The following ATP2C1 variants were observed in gnomAD, a reference collection of about 807,000 sequenced individuals.
The protein encoded by ATP2C1 is calcium-transporting ATPase type 2C member 1.
Under a neutral mutation model 120.5 loss-of-function variants are expected in ATP2C1, and 31 were observed. The ratio of observed to expected loss-of-function variants is 0.26; its 90% CI spans 0.19 to 0.35. The LOEUF (loss-of-function observed/expected upper bound fraction) is 0.35, where lower values mean the gene tolerates loss of function less well. ATP2C1 is among the 10% of genes least tolerant of loss of function. ATP2C1 has a pLI of 1.00. For synonymous variants in ATP2C1, 351 were observed against 358.7 expected (o/e 0.98, Z 0.24); for missense variants, 731 against 1,107.5 (o/e 0.66, Z 4.83).
chr3:130,948,851 A>G (rs904618133), intron 8 of ATP2C1, among the ~76,000 whole-genome samples: 1 of 152,032 alleles, frequency 6.6e-6, no homozygotes, highest in Non-Finnish European at 1.5e-5. Flanking sequence ...TATTATGTCT[A>G]TTATGGTGAT....
At chr3:130,938,919 A>G (rs1559948127) in intron 6 of ATP2C1, among the ~76,000 whole-genome samples, 1 of 152,248 alleles carries the variant, frequency 6.6e-6, no homozygotes, top group African/African-American at 2.4e-5. Flanking sequence ...TGATTTTAAC[A>G]TAAGTCAATA....
rs565793325 is a variant in ATP2C1 at position 130,894,756 on chromosome 3, A to G, written c.-14A>G. ...ACTTTGTAGCCATCAACCCGAGTGC[A>G]GTTTCGATGGAAAATGAAGGTAAAG... is the stretch of plus-strand genomic sequence containing the variant. On this transcript the variant is annotated 5_prime_UTR_variant, in exon 2 of 28. Transcript: ENST00000510168. This position sits in a 1 kb window ranked among gnomAD's most constrained non-coding sequence, Gnocchi z 4.5. The G allele has an allele frequency of 1.2e-6, 2 of 1,614,180 alleles. No homozygotes were observed. The highest frequency in any genetic ancestry group is 2.2e-5 in the East Asian group (1 of 44,888).
Position 130,898,297 on chromosome 3 carries a change from CT to C in ATP2C1, c.6+3525del, listed in dbSNP as rs2069820930. On this transcript the variant is annotated intron_variant, in intron 2 of 27. Transcript: ENST00000510168. ...TTGTTTGAAAATGGTTGTATTTACA[CT>C]TTACTTTTAAAAGCAGTTTCTTAAT... 4.6e-5 allele frequency among the ~76,000 whole-genome samples: 7 copies of C among 152,268 alleles called. No individual in the cohort carries two copies. The South Asian group carries it at 1.5e-3, about 32-fold the overall frequency.
intron 8 of ATP2C1, among the ~76,000 whole-genome samples, chr3:130,946,212 A>G (rs879763950): frequency 6.6e-6 from 1 of 152,226 alleles, no homozygotes; most frequent in East Asian, 1.9e-4. Flanking sequence ...CTGGGCAGAA[A>G]GGTTAGTTCT....
At chr3:130,976,973 A>G (rs892548888) in intron 18 of ATP2C1, among the ~76,000 whole-genome samples, 1 of 152,198 alleles carries the variant, frequency 6.6e-6, no homozygotes, top group African/African-American at 2.4e-5. Context: ...TTGGAAGCTC[A>G]GATACTCTGG....
At chr3:130,983,218 G>A (rs1576987080) in intron 20 of ATP2C1, among the ~76,000 whole-genome samples, 1 of 152,090 alleles carries the variant, frequency 6.6e-6, no homozygotes, top group East Asian at 1.9e-4. Context: ...TTTATTATCT[G>A]CCAATGCATG....
intron 1 of ATP2C1, among the ~76,000 whole-genome samples, chr3:130,888,460 A>C (rs1283757075): frequency 6.6e-6 from 1 of 152,158 alleles, no homozygotes; most frequent in Admixed American, 6.5e-5. Context: ...ACCCCAGAGC[A>C]CTTTGGCCTA....
chr3:130,976,117 C>G (rs2061520461), intron 18 of ATP2C1, among the ~76,000 whole-genome samples: 1 of 152,124 alleles, frequency 6.6e-6, no homozygotes, highest in Admixed American at 6.5e-5. Context: ...GTTATGTAGT[C>G]TCTCACAGCA....
intron 2 of ATP2C1, among the ~76,000 whole-genome samples, chr3:130,900,352 G>C (rs567239409): frequency 6.6e-6 from 1 of 152,060 alleles, no homozygotes; most frequent in Non-Finnish European, 1.5e-5. Flanking sequence ...ATGAGCCACC[G>C]TGCCCAGCTT....
At chr3:130,868,025 G>C (rs1355773017) in intron 1 of ATP2C1, 1 of 155,302 alleles carries the variant, frequency 6.4e-6, no homozygotes, top group Non-Finnish European at 1.4e-5. Context: ...CAACCGCCCC[G>C]TCTGAGAAGT....
At position 130,967,145 on chromosome 3, in the gene ATP2C1, G is replaced by A; in HGVS notation, c.1123G>A (p.Val375Ile). 6.2e-7 allele frequency: 1 copy of A among 1,611,786 alleles called. No homozygotes were observed. The highest frequency in any genetic ancestry group is 8.5e-7 in the Non-Finnish European group (1 of 1,178,028). The change falls in exon 15 of 28, where the codon GTT (valine) becomes ATT (isoleucine). Residue 375 changes from valine to isoleucine, a missense_variant and splice_region_variant. This residue lies in a region of ATP2C1 where 571 missense variants were observed against 845.9 expected (regional missense o/e 0.67). Coordinates refer to ENST00000510168, the MANE Select transcript of ATP2C1 (RefSeq NM_001378687.1). The stretch of plus-strand genomic sequence containing the variant: ...ATTGATCCCACTTTGTGATCTTTAG[G>A]TTACTGGAGTTGGCTATAATCAATT... ...IFTSDGLHAE[V>I]TGVGYNQFGE...
chr3:130,878,743 A>G, intron 1 of ATP2C1, among the ~76,000 whole-genome samples: 1 of 152,200 alleles, frequency 6.6e-6, no homozygotes, highest in East Asian at 1.9e-4. Context: ...CTGCTGAGAA[A>G]TATGCTATTA....
chr3:130,928,987 AT>A (rs1265263608), intron 2 of ATP2C1, among the ~76,000 whole-genome samples: 2 of 152,160 alleles, frequency 1.3e-5, no homozygotes, highest in African/African-American at 4.8e-5. Context: ...TGTTTTATAG[AT>A]TTGAAATAAG....
At chr3:130,937,332 T>C in intron 5 of ATP2C1, 96 bp from the exon 6 acceptor site, 1 of 1,017,044 alleles carries the variant, frequency 9.8e-7, no homozygotes, top group Admixed American at 1.8e-5. Context: ...TTAAAATCTG[T>C]TATTGTGGGA....
chr3:130,884,220 C>A (rs1341544934), intron 1 of ATP2C1, among the ~76,000 whole-genome samples: 1 of 152,166 alleles, frequency 6.6e-6, no homozygotes, highest in Non-Finnish European at 1.5e-5. Flanking sequence ...AGATTACAGG[C>A]GTGAGCCACT....
At chr3:130,898,073 T>C (rs1177727559) in intron 2 of ATP2C1, among the ~76,000 whole-genome samples, 3 of 152,312 alleles carry the variant, frequency 2.0e-5, no homozygotes, top group African/African-American at 7.2e-5. Flanking sequence ...TCCTTTCTAG[T>C]AATGGATTTA....
At chr3:130,900,651 G>A (rs1156797023) in intron 2 of ATP2C1, among the ~76,000 whole-genome samples, 2 of 152,016 alleles carry the variant, frequency 1.3e-5, no homozygotes, top group Non-Finnish European at 2.9e-5. Flanking sequence ...GTTAAGTTGT[G>A]AATTTCAGAA....
chr3:130,994,741 A>T (rs1468864543), intron 22 of ATP2C1, among the ~76,000 whole-genome samples: 1 of 151,898 alleles, frequency 6.6e-6, no homozygotes, highest in Non-Finnish European at 1.5e-5. Flanking sequence ...CTGCTTTATT[A>T]CTCTGTTTTG....
intron 11 of ATP2C1, among the ~76,000 whole-genome samples, chr3:130,958,919 C>T (rs2060696333): frequency 6.6e-6 from 1 of 152,056 alleles, no homozygotes; most frequent in African/African-American, 2.4e-5. Context: ...TATATGTTTG[C>T]TGCCACCTTC....
Sources: gnomAD v4.1 joint callset for allele counts (sites outside exome capture counted in the v4.1 genomes callset) on GRCh38, gnomAD v4.1.1 for gene constraint, gnomAD v4.1.1 regional missense constraint, Gnocchi (gnomAD v3.1) non-coding constraint, MANE v1.5 for transcripts, NCBI Gene and HGNC (gene_info 2026-07-23, HGNC 2026-07-21) for gene names.